The following UNC45A variants were observed in gnomAD, a reference collection of about 807,000 sequenced individuals.
The protein encoded by UNC45A is protein unc-45 homolog A.
A neutral mutation model predicts 103.2 loss-of-function variants in UNC45A; 78 were observed. That is an observed-to-expected ratio of 0.76 (90% CI 0.63 to 0.91). UNC45A has a LOEUF of 0.91. Among genes scored for constraint, UNC45A ranks in the 40% least tolerant of loss-of-function variants. UNC45A has a pLI of 0.00. For missense variants in UNC45A, 1,193 were observed against 1,224.8 expected (o/e 0.97, Z 0.39); for synonymous variants, 495 against 504.6 (o/e 0.98, Z 0.25).
In UNC45A at chr15:90,946,706, G is replaced by A. The variant is rs75536206; in HGVS notation, c.1292G>A (p.Arg431Gln). ...LLQGPCDAGN[R>Q]ALELSGVMES... ...CAGGGCCCATGTGACGCTGGCAACC[G>A]GGCCTTGGAGCTGAGCGGTGTCATG... The change falls in exon 10 of 20, where the codon CGG becomes CAG. Residue 431 changes from arginine (R) to glutamine (Q), a missense_variant. Arg to Gln is a conservative substitution (Grantham distance 43). Transcript: ENST00000418476. The A allele has an allele frequency of 1.8e-4, 288 of 1,613,078 alleles. 1 individual carries two copies. In the East Asian group the frequency reaches 5.6e-3, roughly 31 times the overall value.
chr15:90,942,314 C>G, intron 6 of UNC45A, 123 bp from the exon 7 acceptor site: 1 of 1,158,556 alleles, frequency 8.6e-7, no homozygotes, highest in Non-Finnish European at 1.2e-6. Flanking sequence ...TTGTTTTCAC[C>G]TGGAGCTGGG....
At position 90,946,780 on chromosome 15, in the gene UNC45A, G is replaced by T. The variant is rs150311909; in HGVS notation, c.1366G>T (p.Val456Leu). 1 of 1,614,134 alleles carries T rather than the reference G, an allele frequency of 6.2e-7. No individual in the cohort carries two copies. The highest frequency in any genetic ancestry group is 1.3e-5 in the African/African-American group (1 of 74,954). ...CTCTGAGCAGGAGGAGGAGCAGCTG[G>T]TGGCCGTGGAGGCTCTGATCCATGC... ...CASEQEEEQL[V>L]AVEALIHAAG... The change falls in exon 10 of 20, where the codon GTG (valine) becomes TTG (leucine). Residue 456 changes from valine (V) to leucine (L), a missense_variant. Coordinates refer to ENST00000418476, the MANE Select transcript of UNC45A (RefSeq NM_018671.5).
Position 90,950,190 on chromosome 15 carries a change from G to A in UNC45A, c.2110G>A (p.Gly704Arg), listed in dbSNP as rs2036819268. The A allele has an allele frequency of 1.3e-6, 2 of 1,551,576 alleles. No homozygotes were observed. Among genetic ancestry groups the A allele is most frequent in the African/African-American group, 1.4e-5 (1 of 73,052 alleles). Residue 704 changes from glycine (G) to arginine (R), a missense_variant, in exon 16 of 20, where the codon GGG (glycine) becomes AGG (arginine). Transcript: ENST00000418476. Reference sequence around the variant, plus strand: ...GCTGGCCCTGGAAGGCACGGACGTGGGGCAGACAAAGGCAGCCCAGGCCCT... The same window carrying A: ...GCTGGCCCTGGAAGGCACGGACGTGAGGCAGACAAAGGCAGCCCAGGCCCT... Reference protein sequence around the residue: ...IPLALEGTDVGQTKAAQALAK... With the variant: ...IPLALEGTDVRQTKAAQALAK...
At chr15:90,936,177 A>G (rs2036006934) in intron 3 of UNC45A, 108 bp from the exon 4 acceptor site, 1 of 1,526,412 alleles carries the variant, frequency 6.6e-7, no homozygotes, top group Non-Finnish European at 8.8e-7. Flanking sequence ...CGAGCCCCAC[A>G]TTCGTCCCCC....
In UNC45A at chr15:90,938,818, C is replaced by T. The variant is rs140644358; in HGVS notation, c.427-913C>T. On this transcript the variant is annotated intron_variant, in intron 4 of 19. Coordinates refer to ENST00000418476, the MANE Select transcript of UNC45A (RefSeq NM_018671.5). ...TCCCGAGTAGCTGGGATTACAGGCA[C>T]CCGCCACCACACCTGGCTAATTTTT... Among the ~76,000 whole-genome samples, 1,192 of 148,170 alleles carry T rather than the reference C, an allele frequency of 8.0e-3. 12 individuals carry two copies. The highest frequency in any genetic ancestry group is 0.012 in the Non-Finnish European group (828 of 66,840).
chr15:90,952,941 G>A lies in UNC45A; in HGVS notation c.2316G>A (p.Leu772=), dbSNP rs994562666. 6.8e-6 allele frequency: 11 copies of A among 1,612,986 alleles called. No homozygotes were observed. Among genetic ancestry groups the A allele is most frequent in the Non-Finnish European group, 8.5e-6 (10 of 1,180,028 alleles). The change falls in exon 18 of 20, where the codon CTG becomes CTA. Residue 772 remains leucine, a synonymous_variant. Coordinates refer to ENST00000418476, the MANE Select transcript of UNC45A (RefSeq NM_018671.5). ...GISERLRQKI[L]KEKAVPMIEG... is the part of the protein sequence containing the mutation. ...TGTGGCCCTGCAGGCAGAAGATCCTGAAGGAGAAGGCTGTGCCCATGATAG... is the reference window on the plus strand; with the variant it reads ...TGTGGCCCTGCAGGCAGAAGATCCTAAAGGAGAAGGCTGTGCCCATGATAG...
At chr15:90,935,921 T>G (rs1369996096) in intron 2 of UNC45A, 25 bp from the exon 3 acceptor site, 1 of 1,614,034 alleles carries the variant, frequency 6.2e-7, no homozygotes, top group Non-Finnish European at 8.5e-7. Context: ...GACCATTCCT[T>G]CAGGCTCCTG....
At chr15:90,930,873 A>G (rs555682386), upstream of UNC45A, 1 of 225,680 alleles carries the variant, frequency 4.4e-6, no homozygotes, top group East Asian at 1.1e-4. Context: ...TGAAGGAAAG[A>G]TATGCAGCCC....
intron 9 of UNC45A, among the ~76,000 whole-genome samples, chr15:90,946,240 T>G: frequency 3.5e-5 from 4 of 114,452 alleles, no homozygotes; most frequent in Admixed American, 1.1e-4. Context: ...GGGGACAGAG[T>G]GAGACTCTGT....
chr15:90,931,151 T>G, upstream of UNC45A: 2 of 1,225,448 alleles, frequency 1.6e-6, no homozygotes, highest in Non-Finnish European at 2.3e-6. Context: ...ATGCAAGTCT[T>G]TTTTTGGCCT....
Position 90,946,929 on chromosome 15 carries a change from C to A in UNC45A, c.1500+15C>A. 1 of 816,992 alleles carries A rather than the reference C, an allele frequency of 1.2e-6. No individual in the cohort carries two copies. The highest frequency in any genetic ancestry group is 2.0e-6 in the Non-Finnish European group (1 of 512,066). The allele number at this position is 816,992 out of a possible 1,614,324, so 50.6% of individuals were successfully genotyped here. ...GGGCGCTAGTGGTGAGACGGTGGGC[C>A]TGGGGTGGGTGGGCAGGCAGCCAGG... is the stretch of plus-strand genomic sequence containing the variant. On this transcript the variant is annotated intron_variant, in intron 10 of 19. Coordinates refer to ENST00000418476, the MANE Select transcript of UNC45A (RefSeq NM_018671.5).
intron 6 of UNC45A, 125 bp downstream of exon 6, chr15:90,940,598 C>T (rs535553426): frequency 5.7e-5 from 72 of 1,256,362 alleles, no homozygotes; most frequent in Non-Finnish European, 7.4e-5. Flanking sequence ...CTCTTCCACC[C>T]TCTACCCCTT....
chr15:90,949,252 A>G lies in UNC45A; in HGVS notation c.1879-64A>G. Reference sequence around the variant, plus strand: ...TCCCAGTTCCTCAATTACTGCTGTGAGAAGGGTCCCCCTTTCTCTGTGAGT... The same window carrying G: ...TCCCAGTTCCTCAATTACTGCTGTGGGAAGGGTCCCCCTTTCTCTGTGAGT... On this transcript the variant is annotated intron_variant, in intron 13 of 19. Coordinates refer to ENST00000418476, the MANE Select transcript of UNC45A (RefSeq NM_018671.5). 5.1e-6 allele frequency: 8 copies of G among 1,559,266 alleles called. No homozygotes were observed. In the South Asian group the frequency reaches 8.1e-5, roughly 16 times the overall value.
chr15:90,943,006 C>T lies in UNC45A; in HGVS notation c.951C>T (p.Thr317=), dbSNP rs754425793. Residue 317 remains threonine, a synonymous_variant, in exon 8 of 20, where the codon ACC becomes ACT. Coordinates refer to ENST00000418476, the MANE Select transcript of UNC45A (RefSeq NM_018671.5). Reference sequence around the variant, plus strand: ...GCCAAGGCCGAGACAATGCCCTGACCCTCCTGATTAAAGCGGTGCCCCGGA... The same window carrying T: ...GCCAAGGCCGAGACAATGCCCTGACTCTCCTGATTAAAGCGGTGCCCCGGA... ...VSGQGRDNAL[T]LLIKAVPRKS... 5.6e-6 allele frequency: 9 copies of T among 1,614,184 alleles called. No individual in the cohort carries two copies. Among genetic ancestry groups the T allele is most frequent in the South Asian group, 5.5e-5 (5 of 91,086 alleles).
rs1241721376 is a variant in UNC45A at position 90,947,818 on chromosome 15, C to G, written c.1523C>G (p.Ala508Gly). ...CAGGGACTCTGTAAGCTCGGTTCGG[C>G]TGGAGGGACTGACTTCAGCATGAAG... ...ALVGLCKLGS[A>G]GGTDFSMKQF... The change falls in exon 11 of 20, where the codon GCT becomes GGT. Residue 508 changes from alanine to glycine, a missense_variant. By Grantham distance (60) the Ala-to-Gly change is moderately conservative (BLOSUM62 0). Coordinates refer to ENST00000418476, the MANE Select transcript of UNC45A (RefSeq NM_018671.5). 1.9e-6 allele frequency: 3 copies of G among 1,614,158 alleles called. No individual in the cohort carries two copies. In the Admixed American group the frequency reaches 5.0e-5, roughly 27 times the overall value.
upstream of UNC45A, chr15:90,932,019 C>T: frequency 6.2e-7 from 1 of 1,614,066 alleles, no homozygotes; most frequent in Non-Finnish European, 8.5e-7. Context: ...CCCTAATCCC[C>T]ATCCCAGGCT....
At chr15:90,931,329 C>T (rs935916081), upstream of UNC45A, 11 of 1,551,722 alleles carry the variant, frequency 7.1e-6, no homozygotes, top group Admixed American at 1.4e-4. Flanking sequence ...CTTCCAGTTG[C>T]CGGTTTGTTC....
At chr15:90,949,930 T>A in intron 15 of UNC45A, 2 of 670,084 alleles carry the variant, frequency 3.0e-6, no homozygotes, top group South Asian at 3.7e-5. Context: ...TAGGCTCTAC[T>A]GTTCCTTTGT....
rs773549329 is a variant in UNC45A at position 90,948,324 on chromosome 15, T to C, written c.1737+41T>C. 3.1e-6 allele frequency: 5 copies of C among 1,609,232 alleles called. No homozygotes were observed. The East Asian group carries it at 6.7e-5, about 22-fold the overall frequency. On this transcript the variant is annotated intron_variant, in intron 12 of 19. Coordinates refer to ENST00000418476, the MANE Select transcript of UNC45A (RefSeq NM_018671.5). ...CTGCCGTCAGCCTGGGGACACTGTC[T>C]AGGATTAGACCTTACCAGGCTTTCT... is the stretch of plus-strand genomic sequence containing the variant.
Sources: gnomAD v4.1 joint callset for allele counts (sites outside exome capture counted in the v4.1 genomes callset) on GRCh38, gnomAD v4.1.1 for gene constraint, MANE v1.5 for transcripts, NCBI Gene and HGNC (gene_info 2026-07-23, HGNC 2026-07-21) for gene names.